Variants in MTUS2 observed in about 807,000 individuals in gnomAD.
The protein encoded by MTUS2 is microtubule-associated tumor suppressor candidate 2.
In MTUS2, 40 loss-of-function variants were observed where a neutral mutation model predicts 114.1. That is an observed-to-expected ratio of 0.35 (90% CI 0.27 to 0.46). The LOEUF (loss-of-function observed/expected upper bound fraction) is 0.46, where lower values mean the gene tolerates loss of function less well. Ranked by LOEUF, MTUS2 falls within the 20% of genes least tolerant of loss-of-function variation. MTUS2 has a pLI of 1.00. For missense variants in MTUS2, 1,679 were observed against 1,705.4 expected, an observed-to-expected ratio of 0.98 and a Z score of 0.27; for synonymous variants, 688 against 672.0, an observed-to-expected ratio of 1.02 and a Z score of -0.37.
chr13:29,026,480 C>G lies in MTUS2; in HGVS notation c.1782C>G (p.Pro594=). Residue 594 remains proline (P), a synonymous_variant, in exon 3 of 16, where the codon CCC becomes CCG. Transcript: ENST00000612955. ...SPKVPDKNTC[P]SGIPKPVFTH... Reference sequence around the variant, plus strand: ...AAGTGCCTGACAAGAACACTTGCCCCAGTGGGATCCCCAAGCCTGTCTTCA... The same window carrying G: ...AAGTGCCTGACAAGAACACTTGCCCGAGTGGGATCCCCAAGCCTGTCTTCA... 1 of 1,613,982 alleles carries G rather than the reference C, an allele frequency of 6.2e-7. No individual in the cohort carries two copies. The highest frequency in any genetic ancestry group is 8.5e-7 in the Non-Finnish European group (1 of 1,179,874).
chr13:29,059,823 T>C (rs1356370238), intron 4 of MTUS2, among the ~76,000 whole-genome samples: 1 of 152,200 alleles, frequency 6.6e-6, no homozygotes, highest in African/African-American at 2.4e-5. Flanking sequence ...GTCTGTAAGC[T>C]CTAGCATATG....
At chr13:29,371,956 C>T (rs1466366376) in intron 8 of MTUS2, among the ~76,000 whole-genome samples, 1 of 120,186 alleles carries the variant, frequency 8.3e-6, no homozygotes, top group Non-Finnish European at 1.7e-5. Context: ...GAGAGTAGAT[C>T]TTAAGTGTCC....
chr13:29,010,756 A>G (rs17650122), intron 2 of MTUS2, among the ~76,000 whole-genome samples: 77,403 of 151,856 alleles, frequency 0.51, 19,877 homozygotes, highest in South Asian at 0.72. Flanking sequence ...CTCCTACCCC[A>G]TCAGAACTGT....
intron 2 of MTUS2, among the ~76,000 whole-genome samples, chr13:28,840,350 C>T (rs913886913): frequency 6.6e-6 from 1 of 152,124 alleles, no homozygotes; most frequent in South Asian, 2.1e-4. Context: ...AGTAAACAGC[C>T]AAGACCACAG....
chr13:29,364,489 A>G (rs1176485971), intron 8 of MTUS2, among the ~76,000 whole-genome samples: 2 of 152,180 alleles, frequency 1.3e-5, no homozygotes, highest in South Asian at 2.1e-4. Context: ...AACTCCTCAT[A>G]GTGAAGCTGG....
intron 7 of MTUS2, among the ~76,000 whole-genome samples, chr13:29,356,554 A>G (rs759557247): frequency 6.6e-6 from 1 of 152,176 alleles, no homozygotes; most frequent in Non-Finnish European, 1.5e-5. Context: ...GGACGGTATG[A>G]CATGTGGGTG....
In MTUS2 at chr13:28,905,585, C is replaced by T. The variant is rs1480068547; in HGVS notation, c.-243+65735C>T. 8.0e-5 allele frequency among the ~76,000 whole-genome samples: 12 copies of T among 150,642 alleles called. 2 individuals carry two copies. Among genetic ancestry groups the T allele is most frequent in the Non-Finnish European group, 1.2e-4 (8 of 67,700 alleles). On this transcript the variant is annotated intron_variant, in intron 2 of 15. Coordinates refer to ENST00000612955, the MANE Select transcript of MTUS2 (RefSeq NM_001033602.4). The stretch of plus-strand genomic sequence containing the variant: ...TGATTTTCGTATGTTGAACCAGCCT[C>T]GCATCCCAGGGATGAAGCCCACTTG...
intron 4 of MTUS2, among the ~76,000 whole-genome samples, chr13:29,076,588 GT>G (rs1183972879): frequency 1.3e-5 from 2 of 152,190 alleles, no homozygotes; most frequent in Non-Finnish European, 2.9e-5. Context: ...GATGCTGGCT[GT>G]TGGCAGGCCT....
At chr13:29,432,178 C>G (rs950334787) in intron 8 of MTUS2, among the ~76,000 whole-genome samples, 2 of 152,106 alleles carry the variant, frequency 1.3e-5, no homozygotes, top group South Asian at 2.1e-4. Context: ...TAAACTTGAG[C>G]TAAATAAAAA....
At chr13:29,003,409 C>T (rs181241705) in intron 2 of MTUS2, among the ~76,000 whole-genome samples, 1 of 152,188 alleles carries the variant, frequency 6.6e-6, no homozygotes, top group Non-Finnish European at 1.5e-5. Flanking sequence ...CTCACTGGAT[C>T]TTTTCAGCTT....
rs149887510 is a variant in MTUS2, at chr13:29,155,720, T to C, written c.2644+54750T>C. Reference sequence around the variant, plus strand: ...TGTGTGTATATATATTTTCATTATATATATAAGCAGAAGTTGAATTATATT... The same window carrying C: ...TGTGTGTATATATATTTTCATTATACATATAAGCAGAAGTTGAATTATATT... On this transcript the variant is annotated intron_variant, in intron 5 of 15. Transcript: ENST00000612955. 6.6e-4 allele frequency among the ~76,000 whole-genome samples: 101 copies of C among 152,280 alleles called. 1 individual carries two copies. In the East Asian group the frequency reaches 0.018, roughly 27 times the overall value.
intron 6 of MTUS2, among the ~76,000 whole-genome samples, chr13:29,298,949 C>T (rs557606998): frequency 1.1e-3 from 174 of 152,168 alleles, no homozygotes; most frequent in African/African-American, 3.3e-3. Context: ...CGTGGTCTCC[C>T]CAAGGCTGAG....
chr13:28,896,124 C>T (rs191814183), intron 2 of MTUS2, among the ~76,000 whole-genome samples: 28 of 152,222 alleles, frequency 1.8e-4, no homozygotes, highest in African/African-American at 5.3e-4. Flanking sequence ...AGATGTTAGA[C>T]TGAGATGATT....
intron 8 of MTUS2, among the ~76,000 whole-genome samples, chr13:29,361,447 A>G (rs1258128665): frequency 6.6e-6 from 1 of 152,232 alleles, no homozygotes; most frequent in Admixed American, 6.5e-5. Context: ...AAGAAAAAAC[A>G]GAAGATAAAA....
chr13:28,965,757 A>G (rs758962799), intron 2 of MTUS2, among the ~76,000 whole-genome samples: 1 of 152,188 alleles, frequency 6.6e-6, no homozygotes, highest in Non-Finnish European at 1.5e-5. Flanking sequence ...TCAAGTCCCA[A>G]GTCAGTCTGG....
intron 4 of MTUS2, among the ~76,000 whole-genome samples, chr13:29,100,201 C>T (rs7336281): frequency 0.29 from 43,738 of 152,002 alleles, 6,627 homozygotes; most frequent in East Asian, 0.6. Context: ...TTACACAGCT[C>T]GTCATTGGGA....
chr13:29,393,655 C>G (rs1369735156), intron 8 of MTUS2, among the ~76,000 whole-genome samples: 1 of 152,156 alleles, frequency 6.6e-6, no homozygotes, highest in Non-Finnish European at 1.5e-5. Context: ...AAGTCTCAGT[C>G]AATTTAGGAA....
intron 6 of MTUS2, among the ~76,000 whole-genome samples, chr13:29,308,254 T>A (rs1168116933): frequency 6.6e-6 from 1 of 152,144 alleles, no homozygotes; most frequent in East Asian, 1.9e-4. Context: ...TAAGACCACA[T>A]GCCTCCAGCC....
In MTUS2 at chr13:29,281,787, G is replaced by C; in HGVS notation, c.2728G>C (p.Ala910Pro). Residue 910 changes from alanine to proline, a missense_variant, in exon 6 of 16, where the codon GCC becomes CCC. By Grantham distance (27) the Ala-to-Pro change is conservative. This residue lies in a region of MTUS2 where 822 missense variants were observed against 899.7 expected (regional missense o/e 0.91). Transcript: ENST00000612955. Reference sequence around the variant, plus strand: ...CACACCCAAGGGGGCCGGCCGGGTGGCCCCTCCAGCATCCTCCAGTGTGAC... The same window carrying C: ...CACACCCAAGGGGGCCGGCCGGGTGCCCCCTCCAGCATCCTCCAGTGTGAC... ...KDTPKGAGRV[A>P]PPASSSVTAP... The C allele has an allele frequency of 6.2e-7, 1 of 1,612,360 alleles. No individual in the cohort carries two copies. Among genetic ancestry groups the C allele is most frequent in the Non-Finnish European group, 8.5e-7 (1 of 1,178,662 alleles).
Sources: gnomAD v4.1 joint callset for allele counts (sites outside exome capture counted in the v4.1 genomes callset) on GRCh38, gnomAD v4.1.1 for gene constraint, gnomAD v4.1.1 regional missense constraint, MANE v1.5 for transcripts, NCBI Gene and HGNC (gene_info 2026-07-23, HGNC 2026-07-21) for gene names.